Variants in AP3S1 observed in about 807,000 individuals in gnomAD.
AP3S1 encodes adaptor related protein complex 3 subunit sigma 1.
Under a neutral mutation model 21.3 loss-of-function variants are expected in AP3S1, and 12 were observed. The ratio of observed to expected loss-of-function variants is 0.56; its 90% CI spans 0.36 to 0.91. The LOEUF is 0.91. AP3S1 is among the 40% of genes least tolerant of loss of function. AP3S1 has a pLI of 0.01. For missense variants in AP3S1, 116 were observed against 225.0 expected (o/e 0.52, Z 3.10); for synonymous variants, 48 against 78.4 (o/e 0.61, Z 2.05).
intron 1 of AP3S1, among the ~76,000 whole-genome samples, chr5:115,855,927 T>C (rs1004295679): frequency 6.6e-6 from 1 of 152,186 alleles, no homozygotes; most frequent in Non-Finnish European, 1.5e-5. Flanking sequence ...CTGTGTGATA[T>C]ATGCATAAGG....
intron 1 of AP3S1, among the ~76,000 whole-genome samples, chr5:115,857,636 CTA>C (rs986423121): frequency 2.0e-5 from 3 of 152,172 alleles, no homozygotes; most frequent in Non-Finnish European, 2.9e-5. Context: ...CCACAAGTAA[CTA>C]TTTTTAGCTG....
At chr5:115,895,652 T>A (rs1750700290) in intron 4 of AP3S1, among the ~76,000 whole-genome samples, 1 of 152,260 alleles carries the variant, frequency 6.6e-6, no homozygotes, top group Non-Finnish European at 1.5e-5. Context: ...ATTTAATGTT[T>A]TTAAACAAGT....
chr5:115,867,446 T>G (rs1747786971), intron 2 of AP3S1, among the ~76,000 whole-genome samples: 1 of 152,154 alleles, frequency 6.6e-6, no homozygotes, highest in Admixed American at 6.5e-5. Context: ...AACTAATAAC[T>G]TCCATGAAAA....
chr5:115,862,174 G>GT (rs1190810276), intron 1 of AP3S1, among the ~76,000 whole-genome samples: 1 of 151,770 alleles, frequency 6.6e-6, no homozygotes, highest in Non-Finnish European at 1.5e-5. Context: ...TTGTCTCCTG[G>GT]TACAGAGGTT....
chr5:115,906,394 T>A (rs1392657108), intron 5 of AP3S1, among the ~76,000 whole-genome samples: 1 of 152,198 alleles, frequency 6.6e-6, no homozygotes, highest in African/African-American at 2.4e-5. Flanking sequence ...TTAGTACATT[T>A]CTGGTAATGG....
chr5:115,866,112 C>G (rs1020176802), intron 1 of AP3S1, among the ~76,000 whole-genome samples: 3 of 152,106 alleles, frequency 2.0e-5, no homozygotes, highest in African/African-American at 7.2e-5. Flanking sequence ...CTGACTCTTA[C>G]TGGAATATGA....
intron 3 of AP3S1, among the ~76,000 whole-genome samples, chr5:115,884,425 C>T (rs907580880): frequency 1.3e-5 from 2 of 152,100 alleles, no homozygotes; most frequent in Admixed American, 6.6e-5. Flanking sequence ...ATTAGCCGGG[C>T]ATGGTGGTGC....
At chr5:115,855,061 A>ATCTC (rs753006762) in intron 1 of AP3S1, among the ~76,000 whole-genome samples, 2 of 148,094 alleles carry the variant, frequency 1.4e-5, no homozygotes, top group Non-Finnish European at 3.0e-5. Flanking sequence ...CTATCTATCT[A>ATCTC]TCTCTGTCTC....
At position 115,882,632 on chromosome 5, in the gene AP3S1, G is replaced by T. The variant is rs182195712; in HGVS notation, c.274-12455G>T. Among the ~76,000 whole-genome samples, 387 of 152,304 alleles carry T rather than the reference G, an allele frequency of 2.5e-3. 3 individuals are homozygous for T. Among genetic ancestry groups the T allele is most frequent in the African/African-American group, 8.8e-3 (365 of 41,574 alleles). On this transcript the variant is annotated intron_variant, in intron 3 of 5. Coordinates refer to ENST00000316788, the MANE Select transcript of AP3S1 (RefSeq NM_001284.4). ...CAGAGCTCTCCTGTATGAGATGTCT[G>T]TTGACCCGTGCTGGGAGGTGTCTCC...
At chr5:115,908,028 T>C (rs955457108) in intron 5 of AP3S1, among the ~76,000 whole-genome samples, 1 of 152,176 alleles carries the variant, frequency 6.6e-6, no homozygotes, top group South Asian at 2.1e-4. Flanking sequence ...TGTGGTGATA[T>C]CACAAAGCAT....
chr5:115,892,461 A>G (rs1416855952), intron 3 of AP3S1, among the ~76,000 whole-genome samples: 2 of 152,230 alleles, frequency 1.3e-5, no homozygotes, highest in African/African-American at 2.4e-5. Context: ...CATATACACA[A>G]TGGAGTACGA....
At chr5:115,869,461 A>T (rs915003505) in intron 2 of AP3S1, among the ~76,000 whole-genome samples, 12 of 152,090 alleles carry the variant, frequency 7.9e-5, no homozygotes. Flanking sequence ...TCATTTACTA[A>T]TCTTTTCTTA....
At chr5:115,843,614 C>T (rs906187209) in intron 1 of AP3S1, among the ~76,000 whole-genome samples, 2 of 152,160 alleles carry the variant, frequency 1.3e-5, no homozygotes, top group Non-Finnish European at 2.9e-5. Flanking sequence ...TTTGTCATAA[C>T]CATTTTGCCA....
intron 1 of AP3S1, among the ~76,000 whole-genome samples, chr5:115,851,684 G>A (rs1223660184): frequency 6.6e-6 from 1 of 151,914 alleles, no homozygotes; most frequent in Non-Finnish European, 1.5e-5. Context: ...TTGTTAAGTT[G>A]TAGGAGTTTT....
intron 1 of AP3S1, among the ~76,000 whole-genome samples, chr5:115,850,191 G>A (rs977191716): frequency 6.6e-6 from 1 of 152,066 alleles, no homozygotes; most frequent in Non-Finnish European, 1.5e-5. Context: ...TTGTTACTCA[G>A]GAGGAAAGGG....
At chr5:115,847,408 A>G (rs985872894) in intron 1 of AP3S1, among the ~76,000 whole-genome samples, 145 of 152,218 alleles carry the variant, frequency 9.5e-4, no homozygotes, top group Non-Finnish European at 9.7e-4. Context: ...GTTTGAGCCC[A>G]GGAGTTCAAG....
At chr5:115,842,260 G>A (rs533996523) in intron 1 of AP3S1, among the ~76,000 whole-genome samples, 154 bp downstream of exon 1, 2 of 152,236 alleles carry the variant, frequency 1.3e-5, no homozygotes, top group Non-Finnish European at 2.9e-5. Context: ...CCTCCTGGTG[G>A]GTGTGGACAG....
chr5:115,870,403 C>G (rs969515368), intron 3 of AP3S1, among the ~76,000 whole-genome samples: 8 of 152,084 alleles, frequency 5.3e-5, no homozygotes, highest in Non-Finnish European at 1.2e-4. Flanking sequence ...ACACATGTAT[C>G]CAAAACTAAC....
chr5:115,844,028 A>G (rs2112756498), intron 1 of AP3S1, among the ~76,000 whole-genome samples: 1 of 152,348 alleles, frequency 6.6e-6, no homozygotes, highest in African/African-American at 2.4e-5. Flanking sequence ...CTGGCCGTTT[A>G]TAGGTGGAGT....
Sources: allele counts gnomAD v4.1 joint callset (sites outside exome capture counted in the v4.1 genomes callset), GRCh38; gene constraint gnomAD v4.1.1; transcripts MANE v1.5; gene names NCBI Gene and HGNC (gene_info 2026-07-23, HGNC 2026-07-21).